The following B3GAT2 variants were observed in gnomAD, a reference collection of about 807,000 sequenced individuals.
B3GAT2 encodes the protein beta-1,3-glucuronyltransferase 2.
A neutral mutation model predicts 27.8 loss-of-function variants in B3GAT2; 26 were observed. The observed-to-expected ratio is 0.93, with a 90% CI of 0.68 to 1.30. The LOEUF is 1.30. Ranked by LOEUF, B3GAT2 falls within the 50% of genes most tolerant of loss-of-function variation. The pLI is 0.00. For synonymous variants in B3GAT2, 218 were observed against 195.1 expected (o/e 1.12, Z -0.98); for missense variants, 458 against 459.0 (o/e 1.00, Z 0.02).
intron 1 of B3GAT2, among the ~76,000 whole-genome samples, chr6:70,894,724 C>A (rs1267613414): frequency 6.6e-6 from 1 of 152,206 alleles, no homozygotes; most frequent in Non-Finnish European, 1.5e-5. Context: ...TATTGCTATA[C>A]ATACACAGAA....
At chr6:70,897,165 T>G (rs1033747930) in intron 1 of B3GAT2, among the ~76,000 whole-genome samples, 2 of 152,188 alleles carry the variant, frequency 1.3e-5, no homozygotes, top group Non-Finnish European at 2.9e-5. Flanking sequence ...TAATGACTAA[T>G]ATGCTTACTG....
chr6:70,875,410 G>C (rs1771999830), intron 2 of B3GAT2, among the ~76,000 whole-genome samples: 2 of 152,124 alleles, frequency 1.3e-5, no homozygotes, highest in South Asian at 2.1e-4. Flanking sequence ...CAGAAAAGAA[G>C]GCTATATAAA....
chr6:70,908,698 A>G (rs1772639221), intron 1 of B3GAT2, among the ~76,000 whole-genome samples: 1 of 152,234 alleles, frequency 6.6e-6, no homozygotes, highest in Admixed American at 6.5e-5. Context: ...GGAATAGATG[A>G]CTAAGGATAA....
At chr6:70,889,511 C>T (rs781493786) in intron 2 of B3GAT2, among the ~76,000 whole-genome samples, 10 of 152,116 alleles carry the variant, frequency 6.6e-5, no homozygotes, top group Non-Finnish European at 1.2e-4. Flanking sequence ...GGTGATAGGC[C>T]GTAGGCGAGG....
intron 1 of B3GAT2, among the ~76,000 whole-genome samples, chr6:70,942,151 C>T (rs939905961): frequency 2.0e-5 from 3 of 152,202 alleles, no homozygotes; most frequent in Admixed American, 6.5e-5. Flanking sequence ...AAGCCTGCTC[C>T]GACACTGCTA....
intron 1 of B3GAT2, among the ~76,000 whole-genome samples, chr6:70,937,108 A>G (rs911127886): frequency 1.3e-5 from 2 of 152,232 alleles, no homozygotes; most frequent in Non-Finnish European, 2.9e-5. Context: ...CTACCATCAG[A>G]GAATACTATA....
At chr6:70,908,657 T>C (rs1470434263) in intron 1 of B3GAT2, among the ~76,000 whole-genome samples, 2 of 152,096 alleles carry the variant, frequency 1.3e-5, no homozygotes, top group Admixed American at 1.3e-4. Context: ...CAAGGATACA[T>C]GAAAATATAA....
chr6:70,896,899 T>C (rs190665987), intron 1 of B3GAT2, among the ~76,000 whole-genome samples: 6 of 152,348 alleles, frequency 3.9e-5, no homozygotes, highest in Admixed American at 2.0e-4. Flanking sequence ...TGCGAATTTC[T>C]TTCTCTTTTT....
At chr6:70,902,688 A>G (rs1772526659) in intron 1 of B3GAT2, among the ~76,000 whole-genome samples, 1 of 151,410 alleles carries the variant, frequency 6.6e-6, no homozygotes, top group Middle Eastern at 3.2e-3. Context: ...ACACATAAAC[A>G]CAATAGGGTA....
At position 70,859,202 on chromosome 6, in the gene B3GAT2, C is replaced by A; in HGVS notation, c.*2461G>T. The A allele has an allele frequency of 1.7e-6, 1 of 598,348 alleles. No homozygotes were observed. Among genetic ancestry groups the A allele is most frequent in the Non-Finnish European group, 2.9e-6 (1 of 345,102 alleles). 37.1% of individuals were successfully genotyped at this position (598,348 alleles called of 1,614,324 possible). A position where few individuals can be genotyped will look rare whatever the true frequency, so the allele number is the denominator to read the frequency against. Reference sequence around the variant, plus strand: ...ATATAGGTAAAACATTGGTCTCTACCCGCTGGGAATCTAAAAAATTGTATG... The same window carrying A: ...ATATAGGTAAAACATTGGTCTCTACACGCTGGGAATCTAAAAAATTGTATG... On this transcript the variant is annotated 3_prime_UTR_variant, in exon 4 of 4. Transcript: ENST00000230053.
intron 1 of B3GAT2, among the ~76,000 whole-genome samples, chr6:70,908,929 T>C (rs2474919): frequency 0.48 from 72,916 of 151,998 alleles, 18,138 homozygotes; most frequent in East Asian, 0.69. Flanking sequence ...TTAAACACTC[T>C]CAGAAAATAT....
At chr6:70,898,915 A>G (rs1259331473) in intron 1 of B3GAT2, among the ~76,000 whole-genome samples, 1 of 151,986 alleles carries the variant, frequency 6.6e-6, no homozygotes, top group Non-Finnish European at 1.5e-5. Context: ...GTGAGATGTG[A>G]TTGCACCACT....
intron 1 of B3GAT2, among the ~76,000 whole-genome samples, chr6:70,947,309 G>T (rs1482632405): frequency 2.6e-5 from 4 of 151,800 alleles, no homozygotes; most frequent in Non-Finnish European, 4.4e-5. Context: ...TATTTGAAAG[G>T]ATCAACAAAA....
intron 1 of B3GAT2, among the ~76,000 whole-genome samples, chr6:70,937,924 C>A (rs1028338778): frequency 6.6e-6 from 1 of 151,836 alleles, no homozygotes; most frequent in African/African-American, 2.4e-5. Flanking sequence ...AGAAGAAGGA[C>A]ATAAAGGGTA....
intron 1 of B3GAT2, among the ~76,000 whole-genome samples, chr6:70,933,906 G>A (rs1171018098): frequency 3.9e-5 from 6 of 152,258 alleles, no homozygotes; most frequent in Middle Eastern, 3.4e-3. Context: ...CTATTACCTC[G>A]TTTAATTCTC....
chr6:70,920,428 C>T (rs991473507), intron 1 of B3GAT2, among the ~76,000 whole-genome samples: 11 of 152,186 alleles, frequency 7.2e-5, no homozygotes, highest in Non-Finnish European at 1.5e-4. Flanking sequence ...ATGGGCTGCA[C>T]CCACTGTCCA....
intron 2 of B3GAT2, among the ~76,000 whole-genome samples, chr6:70,865,342 T>C (rs574949299): frequency 6.6e-6 from 1 of 152,270 alleles, no homozygotes; most frequent in Admixed American, 6.5e-5. Context: ...GGTCTTGAAC[T>C]CCTGACTTCA....
chr6:70,919,700 C>A (rs189254162), intron 1 of B3GAT2, among the ~76,000 whole-genome samples: 17 of 152,264 alleles, frequency 1.1e-4, no homozygotes, highest in South Asian at 2.1e-4. Context: ...CACTCCAGAC[C>A]GTTTGCCTCG....
chr6:70,873,161 T>A (rs1771963470), intron 2 of B3GAT2, among the ~76,000 whole-genome samples: 1 of 152,132 alleles, frequency 6.6e-6, no homozygotes, highest in Non-Finnish European at 1.5e-5. Flanking sequence ...TTCTTATTTG[T>A]TCATGTGGAT....
Sources: allele counts gnomAD v4.1 joint callset (sites outside exome capture counted in the v4.1 genomes callset), GRCh38; gene constraint gnomAD v4.1.1; transcripts MANE v1.5; gene names NCBI Gene and HGNC (gene_info 2026-07-23, HGNC 2026-07-21).